The following CD300LB variants were observed in gnomAD, a reference collection of about 807,000 sequenced individuals.
The protein encoded by CD300LB is CD300 molecule like family member b, also known as CMRF35-like molecule 7.
A neutral mutation model predicts 20.8 loss-of-function variants in CD300LB; 18 were observed. The ratio of observed to expected loss-of-function variants is 0.87; its 90% confidence interval spans 0.60 to 1.28. The LOEUF (loss-of-function observed/expected upper bound fraction) is 1.28, where lower values mean the gene tolerates loss of function less well. CD300LB is among the 50% of genes most tolerant of loss of function. The pLI, the probability that CD300LB is intolerant of heterozygous loss-of-function variation, is 0.00. For missense variants in CD300LB, 222 were observed against 251.8 expected (o/e 0.88, Z 0.80); for synonymous variants, 91 against 91.3 (o/e 1.00, Z 0.02).
At position 74,522,643 on chromosome 17, in the gene CD300LB, T is replaced by A. The variant is rs1238680657; in HGVS notation, c.*95A>T. On this transcript the variant is annotated 3_prime_UTR_variant, in exon 4 of 4. Coordinates refer to ENST00000392621, the MANE Select transcript of CD300LB (RefSeq NM_174892.4). ...CGGAGGCCCAGGGCCCCTATCTCAG[T>A]CACTGCATCCCGAGGACTCGTAGAT... The A allele has an allele frequency of 1.0e-5, 16 of 1,558,040 alleles. No individual in the cohort carries two copies. Among genetic ancestry groups the A allele is most frequent in the African/African-American group, 2.7e-5 (2 of 73,618 alleles).
In CD300LB at chr17:74,521,984, T is replaced by A; in HGVS notation, c.*754A>T. 2.0e-6 allele frequency: 2 copies of A among 985,448 alleles called. No individual in the cohort carries two copies. The highest frequency in any genetic ancestry group is 1.1e-4 in the East Asian group (1 of 8,798). 61.0% of individuals were successfully genotyped at this position (985,448 alleles called of 1,614,324 possible). A position where few individuals can be genotyped will look rare whatever the true frequency, so the allele number is the denominator to read the frequency against. On this transcript the variant is annotated 3_prime_UTR_variant, in exon 4 of 4. Coordinates refer to ENST00000392621, the MANE Select transcript of CD300LB (RefSeq NM_174892.4). ...GTGGTTCTTGAGGCCTGACAGGCTCTTTTGGGGAGGAGACCCAAGCTGTCA... is the reference window on the plus strand; with the variant it reads ...GTGGTTCTTGAGGCCTGACAGGCTCATTTGGGGAGGAGACCCAAGCTGTCA...
At position 74,522,336 on chromosome 17, in the gene CD300LB, T is replaced by C. The variant is rs1907905555; in HGVS notation, c.*402A>G. 3 of 995,414 alleles carry C rather than the reference T, an allele frequency of 3.0e-6. No homozygotes were observed. The highest frequency in any genetic ancestry group is 3.6e-6 in the Non-Finnish European group (3 of 836,664). The allele number at this position is 995,414 out of a possible 1,614,324, so 61.7% of individuals were successfully genotyped here. On this transcript the variant is annotated 3_prime_UTR_variant, in exon 4 of 4. Transcript: ENST00000392621. ...AATTTAAAAACACGGATATATCAGG[T>C]TCTCAGGCAAAGACGGTGTTGAGTT...
chr17:74,530,268 G>A lies in CD300LB; in HGVS notation c.40+1043C>T, dbSNP rs1248207579. Reference sequence around the variant, plus strand: ...GGCCCACACACATTGCACACCCTGCGTAAAATTCTAGATTGTCCCCTAATG... The same window carrying A: ...GGCCCACACACATTGCACACCCTGCATAAAATTCTAGATTGTCCCCTAATG... On this transcript the variant is annotated intron_variant, in intron 1 of 3. Transcript: ENST00000392621. Among the ~76,000 whole-genome samples, 5 of 152,204 alleles carry A rather than the reference G, an allele frequency of 3.3e-5. No homozygotes were observed. The South Asian group carries it at 6.2e-4, about 19-fold the overall frequency.
At position 74,522,537 on chromosome 17, in the gene CD300LB, T is replaced by G; in HGVS notation, c.*201A>C. The G allele has an allele frequency of 7.4e-7, 1 of 1,354,856 alleles. No individual in the cohort carries two copies. The highest frequency in any genetic ancestry group is 9.5e-7 in the Non-Finnish European group (1 of 1,050,312). The allele number at this position is 1,354,856 out of a possible 1,614,324, so 83.9% of individuals were successfully genotyped here. On this transcript the variant is annotated 3_prime_UTR_variant, in exon 4 of 4. Transcript: ENST00000392621. ...GAACAGGTGCTGGCACCCCAGGAGG[T>G]GATGGTGGCTCAGGAGAGGACCTGG...
chr17:74,525,239 C>A (rs1366315569), intron 2 of CD300LB, among the ~76,000 whole-genome samples: 2 of 152,134 alleles, frequency 1.3e-5, no homozygotes, highest in African/African-American at 4.8e-5. Context: ...TTAAAGCGTC[C>A]ACTGTCACCC....
chr17:74,523,709 G>C, intron 2 of CD300LB, 58 bp from the exon 3 acceptor site: 1 of 1,182,470 alleles, frequency 8.5e-7, no homozygotes, highest in Non-Finnish European at 1.3e-6. Flanking sequence ...TCATGCATGG[G>C]TCACAAAGCC....
Position 74,531,344 on chromosome 17 carries a change from G to A in CD300LB, c.7C>T (p.Leu3=). 1.2e-6 allele frequency: 2 copies of A among 1,608,952 alleles called. No individual in the cohort carries two copies. The highest frequency in any genetic ancestry group is 8.5e-7 in the Non-Finnish European group (1 of 1,177,400). MW[L]PPALLLLSLS... ...CTGAGAAGGAGCAGAGCAGGGGGCAGCCACATGGCTCTGCCTTCCCGGCTC... is the reference window on the plus strand; with the variant it reads ...CTGAGAAGGAGCAGAGCAGGGGGCAACCACATGGCTCTGCCTTCCCGGCTC... The change falls in exon 1 of 4, where the codon CTG becomes TTG. Residue 3 remains leucine, a synonymous_variant. Coordinates refer to ENST00000392621, the MANE Select transcript of CD300LB (RefSeq NM_174892.4).
Position 74,522,812 on chromosome 17 carries a change from C to T in CD300LB, c.532G>A (p.Val178Ile). The change falls in exon 4 of 4, where the codon GTC becomes ATC. Residue 178 changes from valine (V) to isoleucine (I), a missense_variant. Transcript: ENST00000392621. ...GGCTGTTCCCCTGGCTCCTCAGGGA[C>T]CCTCTGAGACCCCTTCAACCAGAGG... Reference protein sequence around the residue: ...AILWLKGSQRVPEEPGEQPIY... With the variant: ...AILWLKGSQRIPEEPGEQPIY... 1.2e-6 allele frequency: 2 copies of T among 1,614,086 alleles called. No individual in the cohort carries two copies. Among genetic ancestry groups the T allele is most frequent in the East Asian group, 2.2e-5 (1 of 44,870 alleles).
At chr17:74,526,998 A>G (rs888241301) in intron 1 of CD300LB, among the ~76,000 whole-genome samples, 2 of 152,216 alleles carry the variant, frequency 1.3e-5, no homozygotes, top group African/African-American at 4.8e-5. Flanking sequence ...TCCCAAATCC[A>G]TATTTGCAGC....
At chr17:74,527,522 T>C (rs1169610020) in intron 1 of CD300LB, among the ~76,000 whole-genome samples, 2 of 152,214 alleles carry the variant, frequency 1.3e-5, no homozygotes, top group Admixed American at 6.5e-5. Context: ...ATGTCCCCCA[T>C]AGCTGTTGGC....
intron 1 of CD300LB, among the ~76,000 whole-genome samples, chr17:74,529,244 G>A (rs1908127321): frequency 6.6e-6 from 1 of 152,156 alleles, no homozygotes; most frequent in Non-Finnish European, 1.5e-5. Context: ...AACTTCATCT[G>A]TGCCTGGATC....
intron 2 of CD300LB, 93 bp from the exon 3 acceptor site, chr17:74,523,744 G>A (rs1907953526): frequency 1.2e-6 from 1 of 809,932 alleles, no homozygotes; most frequent in Non-Finnish European, 2.2e-6. Context: ...GCCCTCACCA[G>A]AAGACCCTTT....
chr17:74,530,721 C>T (rs886259381), intron 1 of CD300LB, among the ~76,000 whole-genome samples: 1 of 152,340 alleles, frequency 6.6e-6, no homozygotes, highest in Admixed American at 6.5e-5. Context: ...ATCCTCCGCA[C>T]ACGCCTCCAC....
chr17:74,530,524 C>T (rs1341229973), intron 1 of CD300LB, among the ~76,000 whole-genome samples: 3 of 150,082 alleles, frequency 2.0e-5, no homozygotes, highest in African/African-American at 5.0e-5. Context: ...TCTTTCTAAG[C>T]CTCCATCTCT....
chr17:74,525,770 T>A lies in CD300LB; in HGVS notation c.348A>T (p.Gln116His). ...TACCTGGGTCAACGATCACTTTCAC[T>A]TGAGTCCCAAGGTCAGGTCCTCTTC... is the stretch of plus-strand genomic sequence containing the variant. ...IERRGPDLGT[Q>H]VKVIVDPEGA... The change falls in exon 2 of 4, where the codon CAA becomes CAT. Residue 116 changes from glutamine to histidine, a missense_variant. Coordinates refer to ENST00000392621, the MANE Select transcript of CD300LB (RefSeq NM_174892.4). 2.5e-6 allele frequency: 4 copies of A among 1,614,016 alleles called. No individual in the cohort carries two copies. Among genetic ancestry groups the A allele is most frequent in the Non-Finnish European group, 3.4e-6 (4 of 1,179,916 alleles).
rs1567998021 is a variant in CD300LB, at chr17:74,522,482, G to C, written c.*256C>G. The C allele has an allele frequency of 8.1e-7, 1 of 1,237,388 alleles. No homozygotes were observed. The highest frequency in any genetic ancestry group is 1.0e-6 in the Non-Finnish European group (1 of 980,692). 76.7% of individuals were successfully genotyped at this position (1,237,388 alleles called of 1,614,324 possible). On this transcript the variant is annotated 3_prime_UTR_variant, in exon 4 of 4. Transcript: ENST00000392621. ...GTGGGGACAGAGTCGTCCAGTGCTT[G>C]AGCTCCATCTCTACAGCTCCTGACC...
At position 74,522,209 on chromosome 17, in the gene CD300LB, A is replaced by G. The variant is rs1404057805; in HGVS notation, c.*529T>C. 12 of 985,996 alleles carry G rather than the reference A, an allele frequency of 1.2e-5. No homozygotes were observed. Among genetic ancestry groups the G allele is most frequent in the Non-Finnish European group, 1.4e-5 (12 of 830,252 alleles). 61.1% of individuals were successfully genotyped at this position (985,996 alleles called of 1,614,324 possible). ...GGGTCCATCCAGCCCCTCATGCCCTAGAACCAGGAACTCATCCCAGAATCA... is the reference window on the plus strand; with the variant it reads ...GGGTCCATCCAGCCCCTCATGCCCTGGAACCAGGAACTCATCCCAGAATCA... On this transcript the variant is annotated 3_prime_UTR_variant, in exon 4 of 4. Transcript: ENST00000392621.
intron 2 of CD300LB, among the ~76,000 whole-genome samples, chr17:74,524,615 A>T (rs1907976540): frequency 6.6e-6 from 1 of 152,062 alleles, no homozygotes; most frequent in Non-Finnish European, 1.5e-5. Context: ...AAATAAAACA[A>T]AACAAAACAA....
intron 1 of CD300LB, among the ~76,000 whole-genome samples, chr17:74,526,328 C>G (rs568850433): frequency 6.6e-6 from 1 of 152,232 alleles, no homozygotes; most frequent in Non-Finnish European, 1.5e-5. Flanking sequence ...CATGTGACAC[C>G]ATGGTCTCCT....
Sources: gnomAD v4.1 joint callset for allele counts (sites outside exome capture counted in the v4.1 genomes callset) on GRCh38, gnomAD v4.1.1 for gene constraint, MANE v1.5 for transcripts, NCBI Gene and HGNC (gene_info 2026-07-23, HGNC 2026-07-21) for gene names.